TOPAZ1: variants seen among roughly 807,000 people sequenced by gnomAD.
TOPAZ1 encodes testis and ovary specific TOPAZ 1, also known as protein TOPAZ1.
In TOPAZ1, 66 loss-of-function variants were observed where a neutral mutation model predicts 172.2. The ratio of observed to expected loss-of-function variants is 0.38; its 90% CI spans 0.31 to 0.47. The LOEUF (loss-of-function observed/expected upper bound fraction) is 0.47, where lower values mean the gene tolerates loss of function less well. Ranked by LOEUF, TOPAZ1 falls within the 20% of genes least tolerant of loss-of-function variation. TOPAZ1 has a pLI of 0.99. For synonymous variants in TOPAZ1, 681 were observed against 683.9 expected, an observed-to-expected ratio of 1.00 and a Z score of 0.07; for missense variants, 1,822 against 1,972.4, an observed-to-expected ratio of 0.92 and a Z score of 1.44.
chr3:44,311,124 C>CAT (rs201160819), intron 16 of TOPAZ1, among the ~76,000 whole-genome samples: 39 of 151,686 alleles, frequency 2.6e-4, no homozygotes, highest in African/African-American at 7.5e-4. Context: ...AACACTAGCA[C>CAT]ATATATATAT....
rs562365764 is a variant in TOPAZ1, at chr3:44,279,064, T to G, written c.3373-2904T>G. Among the ~76,000 whole-genome samples the G allele has an allele frequency of 4.5e-4, 68 of 152,286 alleles. No homozygotes were observed. In the South Asian group the frequency reaches 0.013, roughly 30 times the overall value. On this transcript the variant is annotated intron_variant, in intron 8 of 19. Coordinates refer to ENST00000309765, the MANE Select transcript of TOPAZ1 (RefSeq NM_001145030.2). ...TGCTTCAAGAAATTTTTGCATTTTCTTCTTAATTTCTTTCTTGACCCGATG... is the reference window on the plus strand; with the variant it reads ...TGCTTCAAGAAATTTTTGCATTTTCGTCTTAATTTCTTTCTTGACCCGATG...
chr3:44,274,354 C>A (rs973205785), intron 8 of TOPAZ1, among the ~76,000 whole-genome samples: 5 of 150,518 alleles, frequency 3.3e-5, no homozygotes, highest in African/African-American at 4.9e-5. Flanking sequence ...TGAGGCGAGA[C>A]TGAGCCACTG....
intron 9 of TOPAZ1, among the ~76,000 whole-genome samples, chr3:44,283,188 G>T (rs144848984): frequency 2.0e-5 from 3 of 152,308 alleles, no homozygotes; most frequent in Admixed American, 1.3e-4. Context: ...AGCACCTGTA[G>T]CATAAATGTA....
intron 2 of TOPAZ1, among the ~76,000 whole-genome samples, chr3:44,253,251 T>C (rs1462501511): frequency 6.6e-6 from 1 of 152,096 alleles, no homozygotes; most frequent in East Asian, 1.9e-4. Context: ...TTATGGTGAG[T>C]GTGAAGTTTA....
chr3:44,269,471 C>CTTTTTTTTTTTTTTTTTTGTTTTT (rs1699870206), intron 7 of TOPAZ1, among the ~76,000 whole-genome samples, 170 bp downstream of exon 7: 1 of 33,916 alleles, frequency 2.9e-5, no homozygotes, highest in Non-Finnish European at 4.8e-5. Context: ...TCCCTATCAT[C>CTTTTTTTTTTTTTTTTTTGTTTTT]TTTTTTTTTT....
chr3:44,245,215 A>C lies in TOPAZ1; in HGVS notation c.2709A>C (p.Ser903=). The change falls in exon 2 of 20, where the codon TCA becomes TCC. Residue 903 remains serine (S), a synonymous_variant. Transcript: ENST00000309765. ...QEPNVAGEHQ[S]TDSKYMETPV... ...CCAATGTTGCTGGAGAGCACCAATC[A>C]ACAGACTCCAAGTACATGGAAACTC... 6.4e-7 allele frequency: 1 copy of C among 1,550,646 alleles called. No individual in the cohort carries two copies. Among genetic ancestry groups the C allele is most frequent in the Non-Finnish European group, 8.7e-7 (1 of 1,146,782 alleles).
chr3:44,275,947 T>C (rs905366632), intron 8 of TOPAZ1, among the ~76,000 whole-genome samples: 1 of 151,164 alleles, frequency 6.6e-6, no homozygotes, highest in African/African-American at 2.5e-5. Context: ...TTCCCTGATA[T>C]GTAGTAATGT....
intron 12 of TOPAZ1, among the ~76,000 whole-genome samples, chr3:44,302,907 A>G (rs1250523799): frequency 6.6e-6 from 1 of 152,158 alleles, no homozygotes; most frequent in Non-Finnish European, 1.5e-5. Flanking sequence ...CAGTAGTGCA[A>G]TTACAGCTCA....
intron 12 of TOPAZ1, among the ~76,000 whole-genome samples, chr3:44,292,658 T>A (rs1700150669): frequency 6.6e-6 from 1 of 152,210 alleles, no homozygotes; most frequent in African/African-American, 2.4e-5. Flanking sequence ...TCACTTTTTT[T>A]ATTGATGTGT....
At chr3:44,266,801 G>C (rs2125684924) in intron 5 of TOPAZ1, among the ~76,000 whole-genome samples, 196 bp from the exon 6 acceptor site, 1 of 152,210 alleles carries the variant, frequency 6.6e-6, no homozygotes. Flanking sequence ...GTGACACAGA[G>C]ACGTAAGTGA....
At chr3:44,269,188 G>A in intron 6 of TOPAZ1, 28 bp from the exon 7 acceptor site, 1 of 1,225,500 alleles carries the variant, frequency 8.2e-7, no homozygotes, top group South Asian at 1.3e-5. Flanking sequence ...ACATATTGGT[G>A]TGTAATGCCA....
In TOPAZ1 at chr3:44,305,235, C is replaced by A; in HGVS notation, c.3953C>A (p.Thr1318Lys). 2 of 1,548,430 alleles carry A rather than the reference C, an allele frequency of 1.3e-6. No homozygotes were observed. The highest frequency in any genetic ancestry group is 1.7e-6 in the Non-Finnish European group (2 of 1,146,022). Residue 1318 changes from threonine to lysine, a missense_variant, in exon 14 of 20, where the codon ACA becomes AAA. This residue lies in a region of TOPAZ1 where 333 missense variants were observed against 481.7 expected (regional missense o/e 0.69). Coordinates refer to ENST00000309765, the MANE Select transcript of TOPAZ1 (RefSeq NM_001145030.2). ...MGCEKFADFQ[T>K]FCACIAETLT... ...TGTGAAAAATTTGCAGATTTCCAGACATTTTGTGCTTGCATTGCTGAAACA... is the reference window on the plus strand; with the variant it reads ...TGTGAAAAATTTGCAGATTTCCAGAAATTTTGTGCTTGCATTGCTGAAACA...
chr3:44,243,423 A>C lies in TOPAZ1; in HGVS notation c.917A>C (p.Asn306Thr), dbSNP rs1355096617. ...AGTGATTTATACCAAAGTAAAACCA[A>C]TGGCTTGCTTTCCTGCCTTCAACAT... ...EESDLYQSKT[N>T]GLLSCLQHEK... The change falls in exon 2 of 20, where the codon AAT (asparagine) becomes ACT (threonine). Residue 306 changes from asparagine to threonine, a missense_variant. Physicochemically the swap from Asn to Thr is moderately conservative, Grantham distance 65. Coordinates refer to ENST00000309765, the MANE Select transcript of TOPAZ1 (RefSeq NM_001145030.2). The C allele has an allele frequency of 6.4e-7, 1 of 1,551,650 alleles. No homozygotes were observed. The highest frequency in any genetic ancestry group is 8.7e-7 in the Non-Finnish European group (1 of 1,146,944).
Position 44,305,209 on chromosome 3 carries a change from C to T in TOPAZ1, c.3927C>T (p.Gly1309=), listed in dbSNP as rs572130934. ...LGKLYINVKM[G]CEKFADFQTF... ...AATTATACATTAACGTAAAAATGGG[C>T]TGTGAAAAATTTGCAGATTTCCAGA... The change falls in exon 14 of 20, where the codon GGC becomes GGT. Residue 1309 remains glycine (G), a synonymous_variant. Transcript: ENST00000309765. 1 of 1,547,444 alleles carries T rather than the reference C, an allele frequency of 6.5e-7. No homozygotes were observed. The highest frequency in any genetic ancestry group is 2.0e-5 in the Admixed American group (1 of 50,322).
intron 2 of TOPAZ1, among the ~76,000 whole-genome samples, chr3:44,248,010 TAAAGA>T (rs1699585702): frequency 6.6e-6 from 1 of 152,252 alleles, no homozygotes; most frequent in Non-Finnish European, 1.5e-5. Context: ...AAGAAATTTT[TAAAGA>T]GTTCACGATT....
intron 12 of TOPAZ1, among the ~76,000 whole-genome samples, chr3:44,296,865 GAAAA>G (rs1164667443): frequency 1.1e-5 from 1 of 87,726 alleles, no homozygotes; most frequent in Non-Finnish European, 2.1e-5. Context: ...AAAAAAAAAA[GAAAA>G]AAAAAAGAAA....
Position 44,243,824 on chromosome 3 carries a change from A to C in TOPAZ1, c.1318A>C (p.Met440Leu). 6.4e-7 allele frequency: 1 copy of C among 1,551,780 alleles called. No individual in the cohort carries two copies. Among genetic ancestry groups the C allele is most frequent in the African/African-American group, 1.4e-5 (1 of 73,152 alleles). ...NASEPLGYESMASKEDFKSMK... is the reference protein window; with the variant it reads ...NASEPLGYESLASKEDFKSMK... ...TTCAGAGCCGTTAGGTTATGAAAGC[A>C]TGGCATCGAAAGAGGATTTTAAATC... is the stretch of plus-strand genomic sequence containing the variant. Residue 440 changes from methionine to leucine, a missense_variant, in exon 2 of 20, where the codon ATG (methionine) becomes CTG (leucine). Transcript: ENST00000309765.
At chr3:44,264,512 T>G (rs1575711342) in intron 5 of TOPAZ1, among the ~76,000 whole-genome samples, 1 of 152,334 alleles carries the variant, frequency 6.6e-6, no homozygotes, top group South Asian at 2.1e-4. Flanking sequence ...TGCCTGGATG[T>G]TGATGGCTGC....
rs540057426 is a variant in TOPAZ1, at chr3:44,310,738, C to T, written c.4306+748C>T. 3.9e-5 allele frequency among the ~76,000 whole-genome samples: 6 copies of T among 152,298 alleles called. No individual in the cohort carries two copies. The East Asian group carries it at 9.6e-4, about 24-fold the overall frequency. ...CCAGCTTCAGAGCCCAGGCTTCAGC[C>T]GCTGTGTAAAATGGAAATCCTGATT... On this transcript the variant is annotated intron_variant, in intron 16 of 19. Coordinates refer to ENST00000309765, the MANE Select transcript of TOPAZ1 (RefSeq NM_001145030.2).
Sources: gnomAD v4.1 joint callset for allele counts (sites outside exome capture counted in the v4.1 genomes callset) on GRCh38, gnomAD v4.1.1 for gene constraint, gnomAD v4.1.1 regional missense constraint, MANE v1.5 for transcripts, NCBI Gene and HGNC (gene_info 2026-07-23, HGNC 2026-07-21) for gene names.